The following ACSM5 variants were observed in gnomAD, a reference collection of about 807,000 sequenced individuals.
ACSM5 encodes the protein acyl-CoA synthetase medium chain family member 5, also known as acyl-coenzyme A synthetase ACSM5, mitochondrial.
ACSM5 carries 56 observed loss-of-function variants against 71.6 expected under a neutral mutation model. The ratio of observed to expected loss-of-function variants is 0.78; its 90% CI spans 0.63 to 0.98. ACSM5 has a LOEUF of 0.98. ACSM5 is among the 50% of genes least tolerant of loss of function. ACSM5 has a pLI of 0.00. For missense variants in ACSM5, 723 were observed against 726.0 expected (o/e 1.00, Z 0.05); for synonymous variants, 285 against 281.5 (o/e 1.01, Z -0.12).
At position 20,433,690 on chromosome 16, in the gene ACSM5, T is replaced by C. The variant is rs941006859; in HGVS notation, c.1308+2369T>C. Among the ~76,000 whole-genome samples, 4 of 152,236 alleles carry C rather than the reference T, an allele frequency of 2.6e-5. No homozygotes were observed. The East Asian group carries it at 7.7e-4, about 29-fold the overall frequency. ...TGCAACTATTTAATACAATTTTTTT[T>C]TGGAAGCAGGGTCTCCTTCTGCCAC... is the stretch of plus-strand genomic sequence containing the variant. On this transcript the variant is annotated intron_variant, in intron 10 of 13. Transcript: ENST00000331849.
Position 20,424,810 on chromosome 16 carries a change from A to G in ACSM5, c.921+741A>G, listed in dbSNP as rs1377381139. The stretch of plus-strand genomic sequence containing the variant: ...ATTTGCTGCGAGAATGAAATGATAC[A>G]AGGCAAAGGGGCCAGCACATCATAG... On this transcript the variant is annotated intron_variant, in intron 6 of 13. Coordinates refer to ENST00000331849, the MANE Select transcript of ACSM5 (RefSeq NM_017888.3). 3.9e-5 allele frequency among the ~76,000 whole-genome samples: 6 copies of G among 152,226 alleles called. No homozygotes were observed. In the East Asian group the frequency reaches 1.2e-3, roughly 29 times the overall value.
intron 6 of ACSM5, among the ~76,000 whole-genome samples, chr16:20,427,579 C>A (rs138335104): frequency 5.4e-4 from 82 of 152,298 alleles, no homozygotes; most frequent in African/African-American, 1.9e-3. Context: ...TGTCACAGAC[C>A]CACTTTGGTA....
intron 10 of ACSM5, among the ~76,000 whole-genome samples, chr16:20,432,679 C>T (rs1467686560): frequency 6.6e-6 from 1 of 152,066 alleles, no homozygotes; most frequent in East Asian, 1.9e-4. Context: ...TAGTGTGGAG[C>T]AGGACTCTGG....
chr16:20,428,393 A>T (rs1967030954), intron 7 of ACSM5, among the ~76,000 whole-genome samples: 1 of 152,214 alleles, frequency 6.6e-6, no homozygotes, highest in Non-Finnish European at 1.5e-5. Context: ...AGCACATGCC[A>T]TTGGGCACCC....
chr16:20,433,477 T>C (rs1967139617), intron 10 of ACSM5, among the ~76,000 whole-genome samples: 1 of 152,052 alleles, frequency 6.6e-6, no homozygotes, highest in Admixed American at 6.6e-5. Flanking sequence ...TTATAACAGA[T>C]AAAAAAGGTG....
intron 12 of ACSM5, among the ~76,000 whole-genome samples, chr16:20,438,184 A>C (rs571307022): frequency 1.6e-4 from 25 of 152,030 alleles, no homozygotes; most frequent in South Asian, 8.3e-4. Context: ...AGATCAGCTA[A>C]CAGGCAGACT....
At chr16:20,411,221 G>A (rs563326029) in intron 1 of ACSM5, among the ~76,000 whole-genome samples, 8 of 152,276 alleles carry the variant, frequency 5.3e-5, no homozygotes, top group Admixed American at 4.6e-4. Flanking sequence ...TTGAGAAGTG[G>A]GATCTGAGTT....
intron 10 of ACSM5, among the ~76,000 whole-genome samples, chr16:20,433,136 C>T (rs1049456097): frequency 6.6e-6 from 1 of 152,134 alleles, no homozygotes; most frequent in South Asian, 2.1e-4. Context: ...GCTGGGATTA[C>T]AGGCATCAGC....
rs537142577 is a variant in ACSM5, at chr16:20,429,886, C to T, written c.1125+85C>T. 1.8e-5 allele frequency: 28 copies of T among 1,521,338 alleles called. No individual in the cohort carries two copies. The South Asian group carries it at 3.3e-4, about 18-fold the overall frequency. 94.2% of individuals were successfully genotyped at this position (1,521,338 alleles called of 1,614,324 possible). A position where few individuals can be genotyped will look rare whatever the true frequency, so the allele number is the denominator to read the frequency against. ...TCCGGCTGTCACCTCCCTGAAGCTT[C>T]TCAGGGACCACCCTTCCCCCAGGGG... On this transcript the variant is annotated intron_variant, in intron 8 of 13. Coordinates refer to ENST00000331849, the MANE Select transcript of ACSM5 (RefSeq NM_017888.3).
intron 13 of ACSM5, 195 bp from the exon 14 acceptor site, chr16:20,440,149 G>C: frequency 1.5e-6 from 1 of 668,752 alleles, no homozygotes; most frequent in African/African-American, 1.8e-5. Flanking sequence ...TCAGATACAA[G>C]AGGTAGTGCT....
chr16:20,412,517 T>C (rs1269887353), intron 2 of ACSM5, among the ~76,000 whole-genome samples: 1 of 152,224 alleles, frequency 6.6e-6, no homozygotes, highest in Non-Finnish European at 1.5e-5. Context: ...TTCCCTTATA[T>C]CTGTGTCTGT....
chr16:20,430,857 G>T, intron 8 of ACSM5, 136 bp from the exon 9 acceptor site: 1 of 641,430 alleles, frequency 1.6e-6, no homozygotes, highest in Non-Finnish European at 2.8e-6. Context: ...GAGGAGAAGG[G>T]AAAGAAAGAA....
rs777002838 is a variant in ACSM5 at position 20,411,665 on chromosome 16, G to T, written c.181G>T (p.Asp61Tyr). Reference sequence around the variant, plus strand: ...CTTCAACTTCGCCCATGATGTGCTGGATGTGTGGAGTCGGCTGGAAGAGGT... The same window carrying T: ...CTTCAACTTCGCCCATGATGTGCTGTATGTGTGGAGTCGGCTGGAAGAGGT... Reference protein sequence around the residue: ...EYFNFAHDVLDVWSRLEEAGH... With the variant: ...EYFNFAHDVLYVWSRLEEAGH... Residue 61 changes from aspartate (D) to tyrosine (Y), a missense_variant, in exon 2 of 14, where the codon GAT becomes TAT. Coordinates refer to ENST00000331849, the MANE Select transcript of ACSM5 (RefSeq NM_017888.3). 4 of 1,614,102 alleles carry T rather than the reference G, an allele frequency of 2.5e-6. No individual in the cohort carries two copies. Among genetic ancestry groups the T allele is most frequent in the Non-Finnish European group, 3.4e-6 (4 of 1,180,026 alleles).
intron 7 of ACSM5, among the ~76,000 whole-genome samples, chr16:20,429,176 A>G (rs1052240502): frequency 6.6e-6 from 1 of 151,962 alleles, no homozygotes; most frequent in African/African-American, 2.4e-5. Flanking sequence ...ATACCCAGCT[A>G]ATTTTTAGTA....
chr16:20,427,225 G>A (rs202191283), intron 6 of ACSM5, among the ~76,000 whole-genome samples: 3,919 of 137,528 alleles, frequency 0.028, 2 homozygotes, highest in East Asian at 0.16. Context: ...GCTTGAACCC[G>A]GGAGGCAGAG....
Position 20,441,159 on chromosome 16 carries a change from A to T in ACSM5, c.*732A>T, listed in dbSNP as rs140271656. The T allele has an allele frequency of 6.6e-6, 1 of 152,300 alleles. No individual in the cohort carries two copies. Among genetic ancestry groups the T allele is most frequent in the African/African-American group, 2.4e-5 (1 of 41,566 alleles). The allele number at this position is 152,300 out of a possible 1,614,324, so 9.4% of individuals were successfully genotyped here. On this transcript the variant is annotated 3_prime_UTR_variant, in exon 14 of 14. Coordinates refer to ENST00000331849, the MANE Select transcript of ACSM5 (RefSeq NM_017888.3). ...TTCATACTGGAGAATCCCAACTCTG[A>T]AAAATAAAGGGAAAACTGTGGTTAA...
At chr16:20,417,246 G>A (rs1966858533) in intron 2 of ACSM5, among the ~76,000 whole-genome samples, 1 of 152,128 alleles carries the variant, frequency 6.6e-6, no homozygotes, top group South Asian at 2.1e-4. Context: ...AGAAAAACTT[G>A]TACATAAATC....
intron 10 of ACSM5, 58 bp from the exon 11 acceptor site, chr16:20,436,994 T>G (rs1387773251): frequency 1.7e-5 from 27 of 1,581,974 alleles, no homozygotes; most frequent in Non-Finnish European, 2.3e-5. Context: ...ACTGGGGCAG[T>G]AACTGGCCTT....
intron 2 of ACSM5, chr16:20,412,039 C>T (rs1966848838): frequency 3.3e-6 from 1 of 298,750 alleles, no homozygotes; most frequent in Non-Finnish European, 6.5e-6. Flanking sequence ...ACTGTCACGC[C>T]CTTCTCTTCT....
Sources: allele counts gnomAD v4.1 joint callset (sites outside exome capture counted in the v4.1 genomes callset), GRCh38; gene constraint gnomAD v4.1.1; transcripts MANE v1.5; gene names NCBI Gene and HGNC (gene_info 2026-07-23, HGNC 2026-07-21).